The following UVRAG variants were observed in gnomAD, a reference collection of about 807,000 sequenced individuals.
The protein encoded by UVRAG is UV radiation resistance-associated gene protein.
Under a neutral mutation model 78.0 loss-of-function variants are expected in UVRAG, and 19 were observed. The observed-to-expected ratio is 0.24, with a 90% confidence interval of 0.17 to 0.36. UVRAG has a LOEUF of 0.36. Among genes scored for constraint, UVRAG ranks in the 10% least tolerant of loss-of-function variants. The pLI is 1.00. For missense variants in UVRAG, 740 were observed against 853.8 expected, an observed-to-expected ratio of 0.87 and a Z score of 1.66; for synonymous variants, 323 against 324.6, an observed-to-expected ratio of 1.00 and a Z score of 0.05.
chr11:75,821,468 G>A (rs946114661), intron 1 of UVRAG, among the ~76,000 whole-genome samples: 2 of 152,010 alleles, frequency 1.3e-5, no homozygotes, highest in Non-Finnish European at 2.9e-5. Flanking sequence ...CAGCACCCCC[G>A]CAAGTAGCTG....
At chr11:75,892,008 G>A (rs1429760112) in intron 5 of UVRAG, among the ~76,000 whole-genome samples, 1 of 152,176 alleles carries the variant, frequency 6.6e-6, no homozygotes, top group Admixed American at 6.5e-5. Context: ...TTTAAATTAT[G>A]TGACTAAAAG....
chr11:75,977,892 G>A (rs1302247950), intron 7 of UVRAG, among the ~76,000 whole-genome samples: 1 of 152,158 alleles, frequency 6.6e-6, no homozygotes, highest in Non-Finnish European at 1.5e-5. Context: ...ATTGTTACGT[G>A]TGAATTTGAT....
chr11:75,984,064 C>A lies in UVRAG; in HGVS notation c.826+551C>A, dbSNP rs183764066. On this transcript the variant is annotated intron_variant, in intron 8 of 14. Transcript: ENST00000356136. ...ATGGTTTGATTTAATGATGATTTAA[C>A]GTACGATTTTTCAGTTTTACAATGT... 1.7e-3 allele frequency among the ~76,000 whole-genome samples: 258 copies of A among 152,224 alleles called. 3 individuals are homozygous for A. The highest frequency in any genetic ancestry group is 6.1e-3 in the African/African-American group (253 of 41,552).
At chr11:75,880,164 T>C (rs1163751706) in intron 4 of UVRAG, 124 bp downstream of exon 4, 2 of 1,129,322 alleles carry the variant, frequency 1.8e-6, no homozygotes, top group East Asian at 2.4e-5. Context: ...TGTTTACTTA[T>C]ATCACTAAGA....
intron 13 of UVRAG, among the ~76,000 whole-genome samples, chr11:76,066,274 C>T (rs1487629464): frequency 6.6e-6 from 1 of 152,136 alleles, no homozygotes; most frequent in Non-Finnish European, 1.5e-5. Context: ...TTGTGGCACT[C>T]TCAACATCAC....
At chr11:75,937,155 G>T (rs184373324) in intron 6 of UVRAG, among the ~76,000 whole-genome samples, 2,339 of 152,314 alleles carry the variant, frequency 0.015, 23 homozygotes, top group Non-Finnish European at 0.026. Flanking sequence ...GGATCCTGAG[G>T]TCAGGAGTTT....
intron 13 of UVRAG, among the ~76,000 whole-genome samples, chr11:76,069,364 A>G (rs1462532787): frequency 6.6e-6 from 1 of 152,160 alleles, no homozygotes; most frequent in African/African-American, 2.4e-5. Flanking sequence ...AGCACCATAT[A>G]TTAATATTTG....
At chr11:75,973,010 C>T (rs747177767) in intron 7 of UVRAG, among the ~76,000 whole-genome samples, 1 of 152,084 alleles carries the variant, frequency 6.6e-6, no homozygotes, top group Non-Finnish European at 1.5e-5. Flanking sequence ...TCTTCTTTCC[C>T]AACACGTGTA....
chr11:76,014,637 C>T (rs1950115655), intron 11 of UVRAG, among the ~76,000 whole-genome samples: 1 of 152,168 alleles, frequency 6.6e-6, no homozygotes, highest in Non-Finnish European at 1.5e-5. Context: ...TATAGGTATT[C>T]TGGAGGATTG....
intron 13 of UVRAG, among the ~76,000 whole-genome samples, chr11:76,097,359 G>A (rs968101126): frequency 2.6e-5 from 4 of 151,996 alleles, no homozygotes; most frequent in African/African-American, 9.7e-5. Flanking sequence ...ACGTTCTCTC[G>A]TGCTTCTGGG....
intron 6 of UVRAG, among the ~76,000 whole-genome samples, chr11:75,918,851 A>G (rs1187632751): frequency 6.6e-6 from 1 of 152,188 alleles, no homozygotes; most frequent in African/African-American, 2.4e-5. Flanking sequence ...AAAAATTTCT[A>G]GGCTAATATT....
At chr11:75,976,975 A>G (rs1023374904) in intron 7 of UVRAG, among the ~76,000 whole-genome samples, 10 of 152,228 alleles carry the variant, frequency 6.6e-5, no homozygotes, top group African/African-American at 1.4e-4. Context: ...TGTCAATTTT[A>G]GATCTTTCCT....
intron 6 of UVRAG, among the ~76,000 whole-genome samples, chr11:75,938,658 G>T (rs1250287005): frequency 6.6e-6 from 1 of 152,144 alleles, no homozygotes; most frequent in Admixed American, 6.5e-5. Context: ...CTGGCTGTCA[G>T]GAATAGGCCC....
intron 11 of UVRAG, chr11:76,013,009 GTGA>G (rs1347120559): frequency 6.6e-6 from 1 of 152,138 alleles, no homozygotes; most frequent in Non-Finnish European, 1.5e-5. Context: ...TGCTGTGGCA[GTGA>G]TTAGAGTCTT....
At chr11:75,910,539 C>CTTT (rs935961405) in intron 5 of UVRAG, among the ~76,000 whole-genome samples, 1 of 124,060 alleles carries the variant, frequency 8.1e-6, no homozygotes, top group Non-Finnish European at 1.7e-5. Flanking sequence ...TCCTTTTTAT[C>CTTT]TTTTTTTTTT....
Position 75,879,959 on chromosome 11 carries a change from A to G in UVRAG, c.351A>G (p.Ile117Met), listed in dbSNP as rs1946900699. The G allele has an allele frequency of 6.2e-7, 1 of 1,614,028 alleles. No individual in the cohort carries two copies. The highest frequency in any genetic ancestry group is 1.7e-5 in the Admixed American group (1 of 60,012). ...DTSVSCFVVK[I>M]WGGKENIYQL... is the part of the protein sequence containing the mutation. ...CTGTGTCTTGTTTCGTGGTGAAGAT[A>G]TGGGGTGGAAAGGAGAACATCTACC... is the stretch of plus-strand genomic sequence containing the variant. The change falls in exon 4 of 15, where the codon ATA becomes ATG. Residue 117 changes from isoleucine (I) to methionine (M), a missense_variant. Transcript: ENST00000356136.
At chr11:75,840,520 C>A (rs1001652280) in intron 1 of UVRAG, among the ~76,000 whole-genome samples, 1 of 152,048 alleles carries the variant, frequency 6.6e-6, no homozygotes, top group Admixed American at 6.6e-5. Context: ...AGTTCAGAGT[C>A]GCAGTTTGTT....
In UVRAG at chr11:75,917,989, G is replaced by A. The variant is rs1246923814; in HGVS notation, c.593+5950G>A. On this transcript the variant is annotated intron_variant, in intron 6 of 14. Transcript: ENST00000356136. ...TGTTAGAATTTGTATTCAAACCCAG[G>A]CAGTCTAGCTCCAGAGGCTATCATA... 2.6e-5 allele frequency among the ~76,000 whole-genome samples: 4 copies of A among 152,090 alleles called. No individual in the cohort carries two copies. In the East Asian group the frequency reaches 7.7e-4, roughly 29 times the overall value.
chr11:76,020,323 C>T (rs1950221094), intron 12 of UVRAG, among the ~76,000 whole-genome samples: 1 of 152,076 alleles, frequency 6.6e-6, no homozygotes. Flanking sequence ...TGGTGCTCTA[C>T]TCCACTGTGG....
Sources: allele counts gnomAD v4.1 joint callset (sites outside exome capture counted in the v4.1 genomes callset), GRCh38; gene constraint gnomAD v4.1.1; transcripts MANE v1.5; gene names NCBI Gene and HGNC (gene_info 2026-07-23, HGNC 2026-07-21).